The following MAP9 variants were observed in gnomAD, a reference collection of about 807,000 sequenced individuals.
The protein encoded by MAP9 is microtubule associated protein 9.
A neutral mutation model predicts 75.2 loss-of-function variants in MAP9; 80 were observed. The ratio of observed to expected loss-of-function variants is 1.06; its 90% CI spans 0.89 to 1.28. The LOEUF (loss-of-function observed/expected upper bound fraction) is 1.28. Ranked by LOEUF, MAP9 falls within the 50% of genes most tolerant of loss-of-function variation. The pLI is 0.00. For missense variants in MAP9, 753 were observed against 719.9 expected (o/e 1.05, Z -0.53); for synonymous variants, 235 against 237.3 (o/e 0.99, Z 0.09).
In MAP9 at chr4:155,375,831, C is replaced by G. The variant is rs1373347113; in HGVS notation, c.20G>C (p.Ser7Thr). Reference sequence around the variant, plus strand: ...ACTCTTTGTATATGCCAAAGTGGTGCTAAAAACTTCATCAGACATAGTGTA... The same window carrying G: ...ACTCTTTGTATATGCCAAAGTGGTGGTAAAAACTTCATCAGACATAGTGTA... MSDEVFSTTLAYTKSPK... is the reference protein window; with the variant it reads MSDEVFTTTLAYTKSPK... Residue 7 changes from serine (S) to threonine (T), a missense_variant, in exon 2 of 14, where the codon AGC becomes ACC. Physicochemically the swap from Ser to Thr is moderately conservative, Grantham distance 58. Coordinates refer to ENST00000311277, the MANE Select transcript of MAP9 (RefSeq NM_001039580.2). The G allele has an allele frequency of 6.2e-7, 1 of 1,609,384 alleles. No homozygotes were observed. Among genetic ancestry groups the G allele is most frequent in the Non-Finnish European group, 8.5e-7 (1 of 1,177,346 alleles).
chr4:155,355,164 TAA>T lies in MAP9; in HGVS notation c.1291-6_1291-5del. On this transcript the variant is annotated splice_polypyrimidine_tract_variant and splice_region_variant and intron_variant, in intron 9 of 13. Coordinates refer to ENST00000311277, the MANE Select transcript of MAP9 (RefSeq NM_001039580.2). ...CATTTTTCTTTTCTAACCACTCCTATAAGAACAAGAAAAAGGTCATATAATAT... is the reference window on the plus strand; with the variant it reads ...CATTTTTCTTTTCTAACCACTCCTATGAACAAGAAAAAGGTCATATAATAT... 9.1e-7 allele frequency: 1 copy of T among 1,097,008 alleles called. No individual in the cohort carries two copies. The highest frequency in any genetic ancestry group is 1.3e-6 in the Non-Finnish European group (1 of 776,630). The allele number at this position is 1,097,008 out of a possible 1,614,324, so 68.0% of individuals were successfully genotyped here.
At chr4:155,363,502 T>C (rs1222023885) in intron 5 of MAP9, among the ~76,000 whole-genome samples, 2 of 152,052 alleles carry the variant, frequency 1.3e-5, no homozygotes, top group Non-Finnish European at 2.9e-5. Flanking sequence ...AAATAGCTAA[T>C]ATAAATATGT....
At position 155,352,997 on chromosome 4, in the gene MAP9, TCTC is replaced by T; in HGVS notation, c.1600_1602del (p.Glu534del). 1.3e-6 allele frequency: 2 copies of T among 1,541,590 alleles called. No homozygotes were observed. The highest frequency in any genetic ancestry group is 1.8e-6 in the Non-Finnish European group (2 of 1,136,418). On this transcript the variant is annotated inframe_deletion, in exon 12 of 14. Transcript: ENST00000311277. ...TGTTTCTTTGCTCTTTCATATTCTC[TCTC>T]CTTTCTATTTTTCTCTTTAAGATAT...
chr4:155,365,036 C>T (rs1361564106), intron 5 of MAP9, among the ~76,000 whole-genome samples: 1 of 151,802 alleles, frequency 6.6e-6, no homozygotes, highest in Non-Finnish European at 1.5e-5. Flanking sequence ...CTCCTAAATC[C>T]AATCATAGCA....
At chr4:155,357,221 A>G in intron 8 of MAP9, 1 of 465,346 alleles carries the variant, frequency 2.1e-6, no homozygotes, top group Non-Finnish European at 3.8e-6. Flanking sequence ...TAAACATTCC[A>G]GGCACTAAAA....
chr4:155,354,518 C>T (rs1453998396), intron 10 of MAP9: 1 of 132,854 alleles, frequency 7.5e-6, no homozygotes, highest in Admixed American at 8.3e-5. Context: ...GGCTGGAGTA[C>T]AGTGGCACGA....
In MAP9 at chr4:155,347,343, G is replaced by A. The variant is rs3755999; in HGVS notation, c.*440C>T. On this transcript the variant is annotated 3_prime_UTR_variant, in exon 14 of 14. Transcript: ENST00000311277. ...ATCAGTTTCAGAAGGAATAATATAT[G>A]CGCACTTCCCAGCGACCCTTCATTT... The A allele has an allele frequency of 0.062, 9,586 of 153,464 alleles. 682 individuals carry two copies. Among genetic ancestry groups the A allele is most frequent in the African/African-American group, 0.17 (7,113 of 41,482 alleles). 9.5% of individuals were successfully genotyped at this position (153,464 alleles called of 1,614,324 possible). A position where few individuals can be genotyped will look rare whatever the true frequency, so the allele number is the denominator to read the frequency against.
chr4:155,356,861 C>T (rs76769654), intron 8 of MAP9, among the ~76,000 whole-genome samples: 1,903 of 152,200 alleles, frequency 0.013, 20 homozygotes, highest in Non-Finnish European at 0.02. Context: ...ATTTGACTAA[C>T]GATAATTTTA....
intron 13 of MAP9, 180 bp downstream of exon 13, chr4:155,352,416 A>C (rs1490277614): frequency 1.8e-6 from 1 of 562,348 alleles, no homozygotes; most frequent in African/African-American, 2.0e-5. Context: ...TAGAAACATT[A>C]ATAGAAATGA....
At chr4:155,363,953 AT>A (rs1732205917) in intron 5 of MAP9, among the ~76,000 whole-genome samples, 1 of 152,120 alleles carries the variant, frequency 6.6e-6, no homozygotes, top group Admixed American at 6.6e-5. Context: ...CAATCTTCCC[AT>A]TTCACAGACA....
Position 155,347,583 on chromosome 4 carries a change from CTTTG to C in MAP9, c.*196_*199del, listed in dbSNP as rs1458421581. ...GGTAAAAACAATCTGATTATTAGGTCTTTGTTTGAGGCAGTTTATCTACAGTTCA... is the reference window on the plus strand; with the variant it reads ...GGTAAAAACAATCTGATTATTAGGTCTTTGAGGCAGTTTATCTACAGTTCA... On this transcript the variant is annotated 3_prime_UTR_variant, in exon 14 of 14. Coordinates refer to ENST00000311277, the MANE Select transcript of MAP9 (RefSeq NM_001039580.2). 9 of 460,154 alleles carry C rather than the reference CTTTG, an allele frequency of 2.0e-5. No homozygotes were observed. The highest frequency in any genetic ancestry group is 3.4e-5 in the East Asian group (1 of 28,992). The allele number at this position is 460,154 out of a possible 1,614,324, so 28.5% of individuals were successfully genotyped here. A position where few individuals can be genotyped will look rare whatever the true frequency, so the allele number is the denominator to read the frequency against.
At chr4:155,369,690 A>G (rs1732511038) in intron 4 of MAP9, among the ~76,000 whole-genome samples, 1 of 152,208 alleles carries the variant, frequency 6.6e-6, no homozygotes, top group Non-Finnish European at 1.5e-5. Flanking sequence ...AAGGACAAAG[A>G]TGATGATGTT....
At chr4:155,365,574 T>G (rs1732286554) in intron 5 of MAP9, among the ~76,000 whole-genome samples, 1 of 152,060 alleles carries the variant, frequency 6.6e-6, no homozygotes, top group Non-Finnish European at 1.5e-5. Context: ...CAGATGCAAA[T>G]GAGACTTTCA....
At chr4:155,376,061 T>C (rs998641284) in intron 1 of MAP9, 147 bp from the exon 2 acceptor site, 6 of 412,988 alleles carry the variant, frequency 1.5e-5, no homozygotes, top group African/African-American at 4.1e-5. Context: ...TGTAAAGAAA[T>C]AGCAAATTCT....
At chr4:155,363,270 A>G (rs543547575) in intron 5 of MAP9, 40 of 152,288 alleles carry the variant, frequency 2.6e-4, no homozygotes, top group Non-Finnish European at 4.4e-4. Context: ...ATTTGTGTCC[A>G]GCCATGATAT....
rs946669949 is a variant in MAP9, at chr4:155,343,673, T to C, written c.*4110A>G. 2 of 146,934 alleles carry C rather than the reference T, an allele frequency of 1.4e-5. No homozygotes were observed. The highest frequency in any genetic ancestry group is 2.6e-5 in the African/African-American group (1 of 39,038). 9.1% of individuals were successfully genotyped at this position (146,934 alleles called of 1,614,324 possible). A position where few individuals can be genotyped will look rare whatever the true frequency, so the allele number is the denominator to read the frequency against. ...ACCCAATAAAATAAATCTTGAATGG[T>C]TGATTTTAATACACTAAACATTACA... On this transcript the variant is annotated 3_prime_UTR_variant, in exon 14 of 14. Coordinates refer to ENST00000311277, the MANE Select transcript of MAP9 (RefSeq NM_001039580.2).
At chr4:155,364,536 C>CTGTAA (rs1553967126) in intron 5 of MAP9, among the ~76,000 whole-genome samples, 15 of 146,786 alleles carry the variant, frequency 1.0e-4, no homozygotes, top group African/African-American at 3.0e-4. Flanking sequence ...TATATATTAT[C>CTGTAA]TATATTTAGC....
intron 7 of MAP9, among the ~76,000 whole-genome samples, chr4:155,358,769 T>C (rs1026185956): frequency 1.3e-5 from 2 of 151,764 alleles, no homozygotes; most frequent in East Asian, 1.9e-4. Context: ...AAAACATGAA[T>C]AGACTTTTTG....
rs1731252073 is a variant in MAP9, at chr4:155,345,468, T to C, written c.*2315A>G. The C allele has an allele frequency of 6.6e-6, 1 of 151,984 alleles. No homozygotes were observed. The highest frequency in any genetic ancestry group is 2.4e-5 in the African/African-American group (1 of 41,380). 9.4% of individuals were successfully genotyped at this position (151,984 alleles called of 1,614,324 possible). Reference sequence around the variant, plus strand: ...TGTTTTGTTTTGTTTTGTTTTGTTTTTTTGAGTGTTACAGCCTGGACTGGC... The same window carrying C: ...TGTTTTGTTTTGTTTTGTTTTGTTTCTTTGAGTGTTACAGCCTGGACTGGC... On this transcript the variant is annotated 3_prime_UTR_variant, in exon 14 of 14. Coordinates refer to ENST00000311277, the MANE Select transcript of MAP9 (RefSeq NM_001039580.2).
Sources: gnomAD v4.1 joint callset for allele counts (sites outside exome capture counted in the v4.1 genomes callset) on GRCh38, gnomAD v4.1.1 for gene constraint, MANE v1.5 for transcripts, NCBI Gene and HGNC (gene_info 2026-07-23, HGNC 2026-07-21) for gene names.